Variants in TBC1D21 observed in about 807,000 individuals in gnomAD.
The protein encoded by TBC1D21 is TBC1 domain family member 21, also known as male germ cell Rab GTPase-activating protein.
Under a neutral mutation model 46.0 loss-of-function variants are expected in TBC1D21, and 38 were observed. That is an observed-to-expected ratio of 0.83 (90% CI 0.64 to 1.08). TBC1D21 has a LOEUF of 1.08. Among genes scored for constraint, TBC1D21 ranks in the 50% least tolerant of loss-of-function variants. The probability of loss-of-function intolerance (pLI) is 0.00; values close to 1 mark genes in which losing one functional copy is unlikely to be tolerated. For synonymous variants in TBC1D21, 151 were observed against 157.2 expected, an observed-to-expected ratio of 0.96 and a Z score of 0.29; for missense variants, 415 against 417.9, an observed-to-expected ratio of 0.99 and a Z score of 0.06.
At chr15:73,875,156 G>T (rs1057238899) in intron 1 of TBC1D21, among the ~76,000 whole-genome samples, 1 of 151,872 alleles carries the variant, frequency 6.6e-6, no homozygotes, top group Non-Finnish European at 1.5e-5. Flanking sequence ...GACTGAGGCA[G>T]GAGAATCACT....
At chr15:73,888,351 A>T in intron 9 of TBC1D21, 79 bp from the exon 10 acceptor site, 1 of 1,202,306 alleles carries the variant, frequency 8.3e-7, no homozygotes, top group South Asian at 1.3e-5. Flanking sequence ...TGGGTGCTGC[A>T]GGCAGCTGCA....
At chr15:73,891,552 C>T (rs1289627180), downstream of TBC1D21, among the ~76,000 whole-genome samples, 1 of 152,200 alleles carries the variant, frequency 6.6e-6, no homozygotes, top group Non-Finnish European at 1.5e-5. Context: ...ACAGCTGCAG[C>T]CACCCTGCCA....
the TBC1D21 span, among the ~76,000 whole-genome samples, chr15:73,896,492 C>T: frequency 6.6e-6 from 1 of 151,094 alleles, no homozygotes. Flanking sequence ...GGTAACGGAG[C>T]AGTGGCGGAG....
At chr15:73,897,720 A>G in the TBC1D21 span, among the ~76,000 whole-genome samples, 1 of 152,210 alleles carries the variant, frequency 6.6e-6, no homozygotes, top group African/African-American at 2.4e-5. Context: ...GAGGAAGCCT[A>G]ACTGGCTGGC....
the TBC1D21 span, among the ~76,000 whole-genome samples, chr15:73,895,448 C>A: frequency 1.3e-5 from 2 of 152,180 alleles, no homozygotes; most frequent in South Asian, 4.1e-4. Flanking sequence ...CATCTTAGAG[C>A]CCTTCAGCTG....
At chr15:73,907,117 C>T in the TBC1D21 span, among the ~76,000 whole-genome samples, 1,767 of 148,662 alleles carry the variant, frequency 0.012, 22 homozygotes, top group African/African-American at 0.041. Context: ...TCCTCTTCCT[C>T]TTCTTCCTCT....
At chr15:73,905,006 A>C in the TBC1D21 span, among the ~76,000 whole-genome samples, 1 of 152,218 alleles carries the variant, frequency 6.6e-6, no homozygotes, top group African/African-American at 2.4e-5. Flanking sequence ...ACAAAAACAC[A>C]AACTGGAGAG....
At chr15:73,896,269 C>T in the TBC1D21 span, among the ~76,000 whole-genome samples, 1 of 152,062 alleles carries the variant, frequency 6.6e-6, no homozygotes, top group Admixed American at 6.5e-5. Flanking sequence ...ATGTTAGTGG[C>T]AGTCATAGTG....
At chr15:73,876,528 C>T (rs2068072485) in intron 1 of TBC1D21, among the ~76,000 whole-genome samples, 1 of 151,634 alleles carries the variant, frequency 6.6e-6, no homozygotes, top group African/African-American at 2.4e-5. Context: ...CAGGCGTGAG[C>T]CACCGCGCCC....
chr15:73,886,450 C>T lies in TBC1D21; in HGVS notation c.677-62C>T, dbSNP rs75887909. On this transcript the variant is annotated intron_variant, in intron 7 of 10. Transcript: ENST00000300504. ...AGGCTCTGTAGTTTGGCCTCATCTG[C>T]ATGTGTTTGCTGCATCATATGTGTT... The T allele has an allele frequency of 2.1e-4, 304 of 1,468,294 alleles. No individual in the cohort carries two copies. In the African/African-American group the frequency reaches 2.8e-3, roughly 13 times the overall value. The allele number at this position is 1,468,294 out of a possible 1,614,324, so 91.0% of individuals were successfully genotyped here.
At chr15:73,890,415 C>A (rs923545681), downstream of TBC1D21, among the ~76,000 whole-genome samples, 1 of 152,204 alleles carries the variant, frequency 6.6e-6, no homozygotes, top group Non-Finnish European at 1.5e-5. Context: ...GTTTGCTGGG[C>A]AGGGAGGCAC....
chr15:73,898,750 G>T, the TBC1D21 span, among the ~76,000 whole-genome samples: 1 of 150,392 alleles, frequency 6.6e-6, no homozygotes, highest in Non-Finnish European at 1.5e-5. Flanking sequence ...TGTAATTCCA[G>T]CCAGTTGGGA....
chr15:73,873,945 G>A (rs1567060839), intron 1 of TBC1D21, among the ~76,000 whole-genome samples, 176 bp downstream of exon 1: 5 of 152,168 alleles, frequency 3.3e-5, no homozygotes, highest in African/African-American at 7.2e-5. Flanking sequence ...AGACATCCAA[G>A]CCCCCTTTCA....
intron 1 of TBC1D21, among the ~76,000 whole-genome samples, chr15:73,876,223 T>TGTTTG (rs1567062363): frequency 0.014 from 730 of 51,228 alleles, 247 homozygotes; most frequent in East Asian, 0.06. Flanking sequence ...TTTTTTTTTT[T>TGTTTG]TTTTTTTTTT....
chr15:73,904,367 G>A, the TBC1D21 span, among the ~76,000 whole-genome samples: 15 of 152,320 alleles, frequency 9.8e-5, no homozygotes, highest in Admixed American at 9.2e-4. Context: ...GCTGAAGTCA[G>A]CTTGCACTGG....
chr15:73,886,536 A>C lies in TBC1D21; in HGVS notation c.701A>C (p.Gln234Pro). Residue 234 changes from glutamine (Q) to proline (P), a missense_variant, in exon 8 of 11, where the codon CAG becomes CCG. Gln to Pro is a moderately conservative substitution (Grantham distance 76). Transcript: ENST00000300504. ...GAAGGGAAGGGTGCAGGGGCTGTGC[A>C]GTCCCTCTTCCCCTGGTTCTGCTTC... is the stretch of plus-strand genomic sequence containing the variant. ...HLKGKGAGAV[Q>P]SLFPWFCFCF... The C allele has an allele frequency of 1.2e-6, 2 of 1,613,714 alleles. No individual in the cohort carries two copies. The highest frequency in any genetic ancestry group is 1.7e-6 in the Non-Finnish European group (2 of 1,180,004).
At chr15:73,891,162 T>C (rs2068333587), downstream of TBC1D21, among the ~76,000 whole-genome samples, 1 of 152,220 alleles carries the variant, frequency 6.6e-6, no homozygotes, top group Admixed American at 6.5e-5. Context: ...AAAATAACAC[T>C]GGGCTGTATA....
At chr15:73,889,025 G>A (rs757418389) in intron 10 of TBC1D21, 44 bp from the exon 11 acceptor site, 2 of 1,610,524 alleles carry the variant, frequency 1.2e-6, no homozygotes, top group Non-Finnish European at 8.5e-7. Flanking sequence ...AGAATGAAAG[G>A]GACAGACCAA....
chr15:73,874,857 G>A (rs899182320), intron 1 of TBC1D21, among the ~76,000 whole-genome samples: 6 of 152,202 alleles, frequency 3.9e-5, no homozygotes, highest in African/African-American at 1.2e-4. Context: ...CTGTACTGAT[G>A]ATACACCCTC....
Sources: gnomAD v4.1 joint callset for allele counts (sites outside exome capture counted in the v4.1 genomes callset) on GRCh38, gnomAD v4.1.1 for gene constraint, MANE v1.5 for transcripts, NCBI Gene and HGNC (gene_info 2026-07-23, HGNC 2026-07-21) for gene names.